Variants in PPP2R5E observed in about 807,000 individuals in gnomAD.
The protein encoded by PPP2R5E is protein phosphatase 2 regulatory subunit B'epsilon.
A neutral mutation model predicts 65.3 loss-of-function variants in PPP2R5E; 4 were observed. The ratio of observed to expected loss-of-function variants is 0.06; its 90% CI spans 0.03 to 0.14. The LOEUF (loss-of-function observed/expected upper bound fraction) is 0.14. Among genes scored for constraint, PPP2R5E ranks in the 10% least tolerant of loss-of-function variants. The pLI is 1.00. For synonymous variants in PPP2R5E, 183 were observed against 187.4 expected (o/e 0.98, Z 0.19); for missense variants, 274 against 556.1 (o/e 0.49, Z 5.10).
At chr14:63,378,249 T>C (rs1046525723) in intron 13 of PPP2R5E, among the ~76,000 whole-genome samples, 11 of 152,342 alleles carry the variant, frequency 7.2e-5, no homozygotes, top group African/African-American at 2.6e-4. Flanking sequence ...GGAATTTTAC[T>C]CAACTAAAAA....
intron 4 of PPP2R5E, among the ~76,000 whole-genome samples, chr14:63,421,775 C>T (rs906901300): frequency 3.3e-5 from 5 of 152,148 alleles, no homozygotes; most frequent in Non-Finnish European, 5.9e-5. Context: ...GTACCTGCAA[C>T]GTGGGGTTGG....
chr14:63,380,782 T>C (rs1322824696), intron 13 of PPP2R5E, among the ~76,000 whole-genome samples: 1 of 152,142 alleles, frequency 6.6e-6, no homozygotes, highest in African/African-American at 2.4e-5. Context: ...CTCAGCTAAA[T>C]ACTCACCACA....
intron 2 of PPP2R5E, among the ~76,000 whole-genome samples, chr14:63,465,464 A>AAAAAAAAAAAAAAC (rs1889741321): frequency 7.5e-6 from 1 of 133,452 alleles, no homozygotes; most frequent in African/African-American, 3.3e-5. Context: ...AAAAAAAAAA[A>AAAAAAAAAAAAAAC]AAAAAAAAAC....
chr14:63,388,376 T>C (rs1306825787), intron 11 of PPP2R5E, among the ~76,000 whole-genome samples: 1 of 152,138 alleles, frequency 6.6e-6, no homozygotes, highest in Non-Finnish European at 1.5e-5. Context: ...CCTGACCTCA[T>C]GATCCACCCG....
intron 3 of PPP2R5E, among the ~76,000 whole-genome samples, chr14:63,426,752 T>C (rs928189889): frequency 1.1e-4 from 16 of 150,016 alleles, no homozygotes; most frequent in Non-Finnish European, 1.5e-5. Flanking sequence ...CCAGAGAGCT[T>C]GGCTCATGAA....
At chr14:63,388,892 A>G (rs1001794316) in intron 11 of PPP2R5E, among the ~76,000 whole-genome samples, 20 of 152,220 alleles carry the variant, frequency 1.3e-4, no homozygotes, top group East Asian at 1.2e-3. Flanking sequence ...TAGGTGAGAC[A>G]GCCAAAGAAT....
chr14:63,450,548 A>T (rs1183567366), intron 3 of PPP2R5E, among the ~76,000 whole-genome samples: 1 of 152,166 alleles, frequency 6.6e-6, no homozygotes, highest in African/African-American at 2.4e-5. Flanking sequence ...TATGCTAAAC[A>T]CTCAGTTTAA....
chr14:63,475,697 T>C (rs1375676529), intron 2 of PPP2R5E, among the ~76,000 whole-genome samples: 1 of 152,154 alleles, frequency 6.6e-6, no homozygotes, highest in Non-Finnish European at 1.5e-5. Context: ...AGTCACAACA[T>C]TTAACACACT....
At chr14:63,481,724 G>A (rs1001004167) in intron 2 of PPP2R5E, among the ~76,000 whole-genome samples, 3 of 152,054 alleles carry the variant, frequency 2.0e-5, no homozygotes, top group African/African-American at 7.2e-5. Context: ...GACAAATTCT[G>A]TTTACTTCTG....
chr14:63,412,023 T>C (rs149828162), intron 5 of PPP2R5E, among the ~76,000 whole-genome samples: 3 of 152,292 alleles, frequency 2.0e-5, no homozygotes, highest in African/African-American at 7.2e-5. Context: ...ATGACTTAGA[T>C]GAGGCCGATA....
chr14:63,535,431 A>G (rs1164078033), intron 2 of PPP2R5E, among the ~76,000 whole-genome samples: 2 of 152,118 alleles, frequency 1.3e-5, no homozygotes, highest in African/African-American at 4.8e-5. Flanking sequence ...CAAAAAAAAA[A>G]GAAATAGGGC....
chr14:63,505,937 A>G (rs1255634), intron 2 of PPP2R5E, among the ~76,000 whole-genome samples: 7,827 of 152,276 alleles, frequency 0.051, 226 homozygotes, highest in African/African-American at 0.086. Flanking sequence ...TCCAAGAGAC[A>G]AAATCACAAC....
chr14:63,483,633 G>A (rs1296390161), intron 2 of PPP2R5E, among the ~76,000 whole-genome samples: 1 of 152,128 alleles, frequency 6.6e-6, no homozygotes, highest in Non-Finnish European at 1.5e-5. Context: ...TTCTGCTGTG[G>A]GGTCCAAGGG....
At chr14:63,437,921 A>C (rs951060767) in intron 3 of PPP2R5E, among the ~76,000 whole-genome samples, 7 of 152,228 alleles carry the variant, frequency 4.6e-5, no homozygotes, top group African/African-American at 1.7e-4. Context: ...TGACCCCACC[A>C]GCTGTCCCTC....
chr14:63,472,890 G>A (rs1357943168), intron 2 of PPP2R5E, among the ~76,000 whole-genome samples: 1 of 152,210 alleles, frequency 6.6e-6, no homozygotes, highest in African/African-American at 2.4e-5. Flanking sequence ...TGTGGGACAG[G>A]AGCAAACATA....
chr14:63,541,301 T>C (rs1893896742), intron 1 of PPP2R5E, among the ~76,000 whole-genome samples: 2 of 152,222 alleles, frequency 1.3e-5, no homozygotes, highest in Non-Finnish European at 1.5e-5. Context: ...AGCACCAAAG[T>C]TGAACTGAAA....
intron 5 of PPP2R5E, among the ~76,000 whole-genome samples, chr14:63,411,886 T>C (rs1179974819): frequency 6.6e-6 from 1 of 152,106 alleles, no homozygotes; most frequent in Non-Finnish European, 1.5e-5. Flanking sequence ...AAGAATTCCT[T>C]TACAGCAACA....
At chr14:63,496,112 A>C (rs1471973265) in intron 2 of PPP2R5E, among the ~76,000 whole-genome samples, 1 of 152,180 alleles carries the variant, frequency 6.6e-6, no homozygotes, top group Non-Finnish European at 1.5e-5. Flanking sequence ...ACTTCTATAA[A>C]TCATGCTTTG....
At chr14:63,522,065 T>C (rs972094303) in intron 2 of PPP2R5E, among the ~76,000 whole-genome samples, 1 of 144,578 alleles carries the variant, frequency 6.9e-6, no homozygotes, top group Non-Finnish European at 1.5e-5. Flanking sequence ...TGCCTCAGCT[T>C]GCCGAGTGCC....
Sources: gnomAD v4.1 joint callset for allele counts (sites outside exome capture counted in the v4.1 genomes callset) on GRCh38, gnomAD v4.1.1 for gene constraint, MANE v1.5 for transcripts, NCBI Gene and HGNC (gene_info 2026-07-23, HGNC 2026-07-21) for gene names.